The following KCNB2 variants were observed in gnomAD, a reference collection of about 807,000 sequenced individuals.
The protein encoded by KCNB2 is potassium voltage-gated channel subfamily B member 2.
Under a neutral mutation model 61.5 loss-of-function variants are expected in KCNB2, and 15 were observed. The observed-to-expected ratio is 0.24, with a 90% CI of 0.16 to 0.38. KCNB2 has a LOEUF of 0.38. Among genes scored for constraint, KCNB2 ranks in the 10% least tolerant of loss-of-function variants. KCNB2 has a pLI of 1.00. For synonymous variants in KCNB2, 457 were observed against 446.0 expected (o/e 1.02, Z -0.31); for missense variants, 828 against 1,125.2 (o/e 0.74, Z 3.78).
At chr8:72,576,690 T>C (rs13262903) in intron 2 of KCNB2, among the ~76,000 whole-genome samples, 1 of 152,222 alleles carries the variant, frequency 6.6e-6, no homozygotes, top group South Asian at 2.1e-4. Flanking sequence ...TTGCACTTAC[T>C]GTATCTATCA....
chr8:72,766,737 T>G (rs1808465498), intron 2 of KCNB2, among the ~76,000 whole-genome samples: 1 of 152,232 alleles, frequency 6.6e-6, no homozygotes, highest in Non-Finnish European at 1.5e-5. Context: ...AATACTCACC[T>G]AGACTGTCAG....
At chr8:72,652,507 G>A (rs1247691440) in intron 2 of KCNB2, among the ~76,000 whole-genome samples, 1 of 152,006 alleles carries the variant, frequency 6.6e-6, no homozygotes, top group Non-Finnish European at 1.5e-5. Context: ...CCTGTTAAAA[G>A]CCTTCCAATG....
intron 2 of KCNB2, among the ~76,000 whole-genome samples, chr8:72,884,386 G>T (rs1322737241): frequency 6.6e-6 from 1 of 151,984 alleles, no homozygotes; most frequent in East Asian, 1.9e-4. Flanking sequence ...GGAGGGGAGT[G>T]GGTTGTGTAT....
chr8:72,617,597 CA>C (rs10706658), intron 2 of KCNB2, among the ~76,000 whole-genome samples: 27,639 of 136,010 alleles, frequency 0.2, 2,616 homozygotes, highest in Middle Eastern at 0.27. Context: ...CACAGAAGTG[CA>C]AAAAAAAAAA....
intron 2 of KCNB2, among the ~76,000 whole-genome samples, chr8:72,700,449 CAT>C (rs1244229165): frequency 3.9e-5 from 6 of 151,978 alleles, no homozygotes; most frequent in Non-Finnish European, 7.4e-5. Context: ...GGCCAATAAA[CAT>C]ATGAAAAAAC....
intron 2 of KCNB2, among the ~76,000 whole-genome samples, chr8:72,842,107 AC>A (rs1326891814): frequency 2.7e-5 from 2 of 74,144 alleles, no homozygotes; most frequent in African/African-American, 8.2e-5. Context: ...TTTCACCAAT[AC>A]CTAGTTTATT....
chr8:72,924,019 C>T (rs148659185), intron 2 of KCNB2, among the ~76,000 whole-genome samples: 6 of 152,124 alleles, frequency 3.9e-5, no homozygotes, highest in Non-Finnish European at 5.9e-5. Flanking sequence ...AAACAGGCTC[C>T]GTGTCTTGAC....
At chr8:72,557,965 A>T (rs1563522309) in intron 1 of KCNB2, among the ~76,000 whole-genome samples, 1 of 152,224 alleles carries the variant, frequency 6.6e-6, no homozygotes, top group Non-Finnish European at 1.5e-5. Flanking sequence ...TATCCATAAT[A>T]ACTGGTATTA....
At chr8:72,714,668 C>T (rs1267428518) in intron 2 of KCNB2, among the ~76,000 whole-genome samples, 14 of 152,158 alleles carry the variant, frequency 9.2e-5, no homozygotes, top group Non-Finnish European at 5.9e-5. Flanking sequence ...AAGCACTAAA[C>T]ATGGAAAGGA....
intron 2 of KCNB2, chr8:72,750,403 C>T (rs1808168918): frequency 1.3e-5 from 2 of 152,166 alleles, no homozygotes; most frequent in African/African-American, 4.8e-5. Flanking sequence ...TTATTATGCT[C>T]ACCTGCACAG....
At chr8:72,686,034 G>C (rs1307535633) in intron 2 of KCNB2, among the ~76,000 whole-genome samples, 1 of 152,152 alleles carries the variant, frequency 6.6e-6, no homozygotes, top group African/African-American at 2.4e-5. Context: ...CGTGGCACCT[G>C]GGCACTTGTA....
intron 2 of KCNB2, among the ~76,000 whole-genome samples, chr8:72,726,008 A>C (rs902408954): frequency 6.6e-6 from 1 of 152,198 alleles, no homozygotes; most frequent in Non-Finnish European, 1.5e-5. Context: ...ACTACTGCAA[A>C]GTGCAAACAA....
intron 2 of KCNB2, among the ~76,000 whole-genome samples, chr8:72,847,442 C>A (rs1210374383): frequency 1.3e-5 from 2 of 152,222 alleles, no homozygotes; most frequent in Admixed American, 6.5e-5. Flanking sequence ...AGTGCTTCTA[C>A]AAACAAGTCT....
At chr8:72,689,676 T>G (rs1432777079) in intron 2 of KCNB2, among the ~76,000 whole-genome samples, 4 of 152,232 alleles carry the variant, frequency 2.6e-5, no homozygotes, top group Non-Finnish European at 4.4e-5. Context: ...GTTTGGGTTT[T>G]TCCCTTGGCA....
chr8:72,667,457 T>A (rs549647309), intron 2 of KCNB2, among the ~76,000 whole-genome samples: 4 of 152,228 alleles, frequency 2.6e-5, no homozygotes, highest in African/African-American at 9.6e-5. Context: ...TGAATTCTTT[T>A]TTTTTATCCC....
intron 1 of KCNB2, among the ~76,000 whole-genome samples, chr8:72,556,236 A>G (rs769210372): frequency 4.6e-5 from 7 of 152,134 alleles, no homozygotes; most frequent in African/African-American, 7.2e-5. Flanking sequence ...GCTGAATTAT[A>G]TTTCTAGCAG....
chr8:72,600,203 A>T (rs1807271789), intron 2 of KCNB2, among the ~76,000 whole-genome samples: 1 of 152,296 alleles, frequency 6.6e-6, no homozygotes, highest in Admixed American at 6.5e-5. Context: ...CAAATGTCCA[A>T]CAATGATAGA....
intron 2 of KCNB2, among the ~76,000 whole-genome samples, chr8:72,806,051 A>G (rs1809213846): frequency 6.6e-6 from 1 of 152,078 alleles, no homozygotes. Flanking sequence ...ACTTTACTTC[A>G]TGCTCTCAAT....
At chr8:72,821,630 A>G (rs1395058008) in intron 2 of KCNB2, among the ~76,000 whole-genome samples, 1 of 75,402 alleles carries the variant, frequency 1.3e-5, no homozygotes, top group Non-Finnish European at 2.5e-5. Context: ...ACACACACAC[A>G]CAAAAAAAAA....
Sources: allele counts gnomAD v4.1 joint callset (sites outside exome capture counted in the v4.1 genomes callset), GRCh38; gene constraint gnomAD v4.1.1; transcripts MANE v1.5; gene names NCBI Gene and HGNC (gene_info 2026-07-23, HGNC 2026-07-21).